NAALADL2: variants seen among roughly 807,000 people sequenced by gnomAD.
NAALADL2 encodes the protein inactive N-acetylated-alpha-linked acidic dipeptidase-like protein 2.
A neutral mutation model predicts 87.2 loss-of-function variants in NAALADL2; 76 were observed. The ratio of observed to expected loss-of-function variants is 0.87; its 90% CI spans 0.72 to 1.05. The LOEUF (loss-of-function observed/expected upper bound fraction) is 1.05, where lower values mean the gene tolerates loss of function less well. Ranked by LOEUF, NAALADL2 falls within the 50% of genes least tolerant of loss-of-function variation. The probability of loss-of-function intolerance (pLI) is 0.00; values close to 1 mark genes in which losing one functional copy is unlikely to be tolerated. For missense variants in NAALADL2, 1,089 were observed against 945.8 expected (o/e 1.15, Z -1.99); for synonymous variants, 354 against 331.0 (o/e 1.07, Z -0.75).
rs886555594 is a variant in NAALADL2 at position 175,809,109 on chromosome 3, C to T, written c.*5906C>T. 2.6e-5 allele frequency: 4 copies of T among 151,944 alleles called. No individual in the cohort carries two copies. 9.4% of individuals were successfully genotyped at this position (151,944 alleles called of 1,614,324 possible). On this transcript the variant is annotated 3_prime_UTR_variant, in exon 14 of 14. Transcript: ENST00000454872. Reference sequence around the variant, plus strand: ...TATCAAGCTGCTGCAAATGGACTACCTTATTTTAAAAGTTAGAATAAAATG... The same window carrying T: ...TATCAAGCTGCTGCAAATGGACTACTTTATTTTAAAAGTTAGAATAAAATG...
At chr3:174,890,366 C>G (rs1730720106) in intron 1 of NAALADL2, among the ~76,000 whole-genome samples, 1 of 151,956 alleles carries the variant, frequency 6.6e-6, no homozygotes, top group South Asian at 2.1e-4. Context: ...AAATAGAACA[C>G]TGTTCTTATC....
chr3:175,144,406 A>G (rs1260091246), intron 2 of NAALADL2, among the ~76,000 whole-genome samples: 3 of 151,970 alleles, frequency 2.0e-5, no homozygotes, highest in Non-Finnish European at 4.4e-5. Context: ...CCCATTCATC[A>G]GTGGTTATTC....
At chr3:175,698,435 A>ATGTATGTATACATATGTATGTG (rs1560995467) in intron 11 of NAALADL2, among the ~76,000 whole-genome samples, 1 of 130,022 alleles carries the variant, frequency 7.7e-6, no homozygotes, top group African/African-American at 3.0e-5. Context: ...GTATGTGTAT[A>ATGTATGTATACATATGTATGTG]TATTTATGTA....
At chr3:175,724,312 T>G (rs1054726551) in intron 11 of NAALADL2, among the ~76,000 whole-genome samples, 1 of 152,130 alleles carries the variant, frequency 6.6e-6, no homozygotes, top group African/African-American at 2.4e-5. Context: ...CTAAGCAACA[T>G]GTAAAGACAA....
intron 5 of NAALADL2, among the ~76,000 whole-genome samples, chr3:175,385,710 T>A (rs532489667): frequency 6.6e-6 from 1 of 152,148 alleles, no homozygotes; most frequent in East Asian, 1.9e-4. Context: ...TATGAATGTA[T>A]CAAATTATCA....
rs144386519 is a variant in NAALADL2, at chr3:175,385,428, G to C, written c.1090+61103G>C. ...GTAATTGTATACATATTTATGTGCT[G>C]TCGGCAAGTGAAAGATAGCTTCCCT... On this transcript the variant is annotated intron_variant, in intron 5 of 13. Coordinates refer to ENST00000454872, the MANE Select transcript of NAALADL2 (RefSeq NM_207015.3). Among the ~76,000 whole-genome samples the C allele has an allele frequency of 2.6e-3, 397 of 152,058 alleles. 2 individuals carry two copies. Among genetic ancestry groups the C allele is most frequent in the African/African-American group, 9.3e-3 (386 of 41,492 alleles).
intron 1 of NAALADL2, among the ~76,000 whole-genome samples, chr3:174,892,441 GA>G (rs1339572904): frequency 6.6e-6 from 1 of 151,872 alleles, no homozygotes; most frequent in Non-Finnish European, 1.5e-5. Flanking sequence ...ACTGTCAGAG[GA>G]AACAAACAAA....
intron 2 of NAALADL2, among the ~76,000 whole-genome samples, chr3:174,648,631 A>G (rs1464584): frequency 0.033 from 5,082 of 152,252 alleles, 228 homozygotes; most frequent in African/African-American, 0.1. Flanking sequence ...ATACTAGATT[A>G]AACATTTAAT....
At chr3:175,474,637 C>T (rs62285247) in intron 9 of NAALADL2, among the ~76,000 whole-genome samples, 12,409 of 152,158 alleles carry the variant, frequency 0.082, 588 homozygotes, top group South Asian at 0.12. Context: ...CAATCACAAT[C>T]AAGATATACG....
chr3:174,909,831 T>C (rs1733461008), intron 1 of NAALADL2, among the ~76,000 whole-genome samples: 1 of 152,142 alleles, frequency 6.6e-6, no homozygotes, highest in African/African-American at 2.4e-5. Context: ...TTGTCAGCTG[T>C]TTTTATTATT....
intron 1 of NAALADL2, among the ~76,000 whole-genome samples, chr3:174,936,558 G>T (rs1560386163): frequency 6.6e-6 from 1 of 152,056 alleles, no homozygotes; most frequent in Non-Finnish European, 1.5e-5. Context: ...AGGTTCTGTA[G>T]TGAAGGCCCA....
chr3:175,041,896 A>G (rs745685207), intron 1 of NAALADL2, among the ~76,000 whole-genome samples: 1 of 152,170 alleles, frequency 6.6e-6, no homozygotes, highest in African/African-American at 2.4e-5. Flanking sequence ...AAATTAATAC[A>G]TCTATCACCT....
intron 3 of NAALADL2, among the ~76,000 whole-genome samples, chr3:175,255,791 T>C (rs1331272194): frequency 1.3e-5 from 2 of 151,982 alleles, no homozygotes; most frequent in Non-Finnish European, 2.9e-5. Flanking sequence ...TCTAGGTGAG[T>C]AGTGGGAAAT....
At chr3:175,504,568 TCTCTCTCTCTCTC>T in intron 9 of NAALADL2, among the ~76,000 whole-genome samples, 1 of 1,660 alleles carries the variant, frequency 6.0e-4, no homozygotes, top group African/African-American at 6.0e-3. Context: ...TCTCTGTTTC[TCTCTCTCTCTCTC>T]TCTCTCTCTC....
chr3:175,148,710 C>T (rs1731133886), intron 2 of NAALADL2, among the ~76,000 whole-genome samples: 1 of 152,082 alleles, frequency 6.6e-6, no homozygotes, highest in African/African-American at 2.4e-5. Flanking sequence ...GTCCTTTCCC[C>T]ATTGCTTATT....
chr3:174,680,400 T>C (rs1352464019), intron 2 of NAALADL2, among the ~76,000 whole-genome samples: 2 of 152,220 alleles, frequency 1.3e-5, no homozygotes, highest in African/African-American at 4.8e-5. Context: ...TCTTGTTTCA[T>C]TCCTCAAGCA....
intron 1 of NAALADL2, among the ~76,000 whole-genome samples, chr3:175,092,118 C>G (rs1720252136): frequency 6.6e-6 from 1 of 151,858 alleles, no homozygotes; most frequent in South Asian, 2.1e-4. Context: ...AATAATTTAT[C>G]TCATTTACTC....
chr3:174,710,581 C>T (rs1302769785), intron 2 of NAALADL2, among the ~76,000 whole-genome samples: 5 of 152,028 alleles, frequency 3.3e-5, no homozygotes, highest in African/African-American at 4.8e-5. Flanking sequence ...AAATTTTTTT[C>T]TCTGCCTAGT....
chr3:175,580,019 T>G (rs533691524), intron 10 of NAALADL2, among the ~76,000 whole-genome samples: 1 of 152,260 alleles, frequency 6.6e-6, no homozygotes, highest in East Asian at 1.9e-4. Context: ...ACCTCTATAA[T>G]AGAGCATTTA....
Sources: gnomAD v4.1 joint callset for allele counts (sites outside exome capture counted in the v4.1 genomes callset) on GRCh38, gnomAD v4.1.1 for gene constraint, MANE v1.5 for transcripts, NCBI Gene and HGNC (gene_info 2026-07-23, HGNC 2026-07-21) for gene names.